ITGA8: variants seen among roughly 807,000 people sequenced by gnomAD.
The protein encoded by ITGA8 is integrin alpha-8.
Under a neutral mutation model 142.3 loss-of-function variants are expected in ITGA8, and 91 were observed. The ratio of observed to expected loss-of-function variants is 0.64; its 90% CI spans 0.54 to 0.76. The LOEUF (loss-of-function observed/expected upper bound fraction) is 0.76, where lower values mean the gene tolerates loss of function less well. ITGA8 is among the 30% of genes least tolerant of loss of function. The pLI is 0.00. For synonymous variants in ITGA8, 505 were observed against 485.2 expected (o/e 1.04, Z -0.54); for missense variants, 1,406 against 1,327.7 (o/e 1.06, Z -0.92).
chr10:15,527,354 A>G (rs1833194756), intron 28 of ITGA8, among the ~76,000 whole-genome samples: 1 of 152,204 alleles, frequency 6.6e-6, no homozygotes, highest in African/African-American at 2.4e-5. Context: ...ATTTTCATGA[A>G]ATATTTTGTA....
In ITGA8 at chr10:15,694,275, TCATACATCA is replaced by T. The variant is rs1323391664; in HGVS notation, c.344-6246_344-6238del. 5.1e-3 allele frequency among the ~76,000 whole-genome samples: 492 copies of T among 96,976 alleles called. 12 individuals are homozygous for T. Among genetic ancestry groups the T allele is most frequent in the African/African-American group, 0.013 (394 of 30,240 alleles). 63.6% of individuals were successfully genotyped at this position (96,976 alleles called of 152,430 possible). A position where few individuals can be genotyped will look rare whatever the true frequency, so the allele number is the denominator to read the frequency against. ...GATAACATATACATCAGATAATATA[TCATACATCA>T]GATAATATATCATATATATGATAAT... On this transcript the variant is annotated intron_variant, in intron 2 of 29. Coordinates refer to ENST00000378076, the MANE Select transcript of ITGA8 (RefSeq NM_003638.3).
chr10:15,632,038 G>A (rs1216896346), intron 13 of ITGA8, among the ~76,000 whole-genome samples: 1 of 151,954 alleles, frequency 6.6e-6, no homozygotes, highest in East Asian at 1.9e-4. Flanking sequence ...CTACCTATGA[G>A]TGGGATATGA....
Position 15,531,061 on chromosome 10 carries a change from C to T in ITGA8, c.2971G>A (p.Gly991Arg), listed in dbSNP as rs539115668. ...TTAAAGATACTCACTACTATGCTTC[C>T]TTCTGGGAGTTTTGCTGGCTGATCT... ...YTDQPAKLPE[G>R]SIVIKTSVIW... Residue 991 changes from glycine to arginine, a missense_variant, in exon 28 of 30, where the codon GGA (glycine) becomes AGA (arginine). Gly to Arg is a moderately radical substitution (Grantham distance 125). Coordinates refer to ENST00000378076, the MANE Select transcript of ITGA8 (RefSeq NM_003638.3). 6.5e-7 allele frequency: 1 copy of T among 1,530,056 alleles called. No homozygotes were observed. Among genetic ancestry groups the T allele is most frequent in the Non-Finnish European group, 8.9e-7 (1 of 1,123,458 alleles). The allele number at this position is 1,530,056 out of a possible 1,614,324, so 94.8% of individuals were successfully genotyped here. A position where few individuals can be genotyped will look rare whatever the true frequency, so the allele number is the denominator to read the frequency against.
At chr10:15,703,124 T>A (rs1239724922) in intron 2 of ITGA8, among the ~76,000 whole-genome samples, 1 of 152,238 alleles carries the variant, frequency 6.6e-6, no homozygotes, top group Non-Finnish European at 1.5e-5. Flanking sequence ...GTGAGCTAAA[T>A]GCATGCTTTT....
chr10:15,600,161 G>T (rs1233821659), intron 20 of ITGA8, among the ~76,000 whole-genome samples: 1 of 152,100 alleles, frequency 6.6e-6, no homozygotes, highest in Admixed American at 6.5e-5. Context: ...TGCACAACGT[G>T]CAGGTTTGTT....
At position 15,557,083 on chromosome 10, in the gene ITGA8, C is replaced by A. The variant is rs539098647; in HGVS notation, c.2766+991G>T. Among the ~76,000 whole-genome samples the A allele has an allele frequency of 7.9e-5, 12 of 152,282 alleles. No individual in the cohort carries two copies. The South Asian group carries it at 1.0e-3, about 13-fold the overall frequency. ...AATAGGATGAGTGGGAGAATAGAAT[C>A]AAAAATGCTGACTCTGACCGGGCAT... is the stretch of plus-strand genomic sequence containing the variant. On this transcript the variant is annotated intron_variant, in intron 26 of 29. Coordinates refer to ENST00000378076, the MANE Select transcript of ITGA8 (RefSeq NM_003638.3).
chr10:15,521,266 CACCCG>C (rs1436862377), intron 28 of ITGA8, among the ~76,000 whole-genome samples: 8 of 152,090 alleles, frequency 5.3e-5, no homozygotes, highest in African/African-American at 1.9e-4. Context: ...TCAAGTGATC[CACCCG>C]CCTCGGCCTC....
In ITGA8 at chr10:15,519,395, A is replaced by G. The variant is rs1588620946; in HGVS notation, c.3000T>C (p.Ile1000=). 1 of 1,613,690 alleles carries G rather than the reference A, an allele frequency of 6.2e-7. No homozygotes were observed. The highest frequency in any genetic ancestry group is 8.5e-7 in the Non-Finnish European group (1 of 1,179,796). Residue 1000 remains isoleucine, a synonymous_variant, in exon 29 of 30, where the codon ATT becomes ATC. Coordinates refer to ENST00000378076, the MANE Select transcript of ITGA8 (RefSeq NM_003638.3). ...AGAAGGAAACATTCGGAGTTGCCCAAATAACTGATGTCTTAATCTGAAATG... is the reference window on the plus strand; with the variant it reads ...AGAAGGAAACATTCGGAGTTGCCCAGATAACTGATGTCTTAATCTGAAATG... The part of the protein sequence containing the change: ...EGSIVIKTSV[I]WATPNVSFSI...
At chr10:15,519,806 T>A (rs983069843) in intron 28 of ITGA8, among the ~76,000 whole-genome samples, 1 of 152,166 alleles carries the variant, frequency 6.6e-6, no homozygotes, top group African/African-American at 2.4e-5. Context: ...TCCTTAGAAC[T>A]CAGCTAGCCT....
At chr10:15,654,451 A>G (rs183705527) in intron 11 of ITGA8, among the ~76,000 whole-genome samples, 21 of 152,344 alleles carry the variant, frequency 1.4e-4, no homozygotes, top group Admixed American at 1.3e-3. Context: ...TAATAGAAAG[A>G]TATTTCCCAG....
At chr10:15,517,273 C>T (rs759750390) in intron 29 of ITGA8, 29 bp from the exon 30 acceptor site, 1 of 1,490,034 alleles carries the variant, frequency 6.7e-7, no homozygotes, top group Non-Finnish European at 9.2e-7. Context: ...GCTATAAAAT[C>T]ACGTCATTCT....
At chr10:15,537,731 T>C (rs1156917542) in intron 27 of ITGA8, among the ~76,000 whole-genome samples, 1 of 152,184 alleles carries the variant, frequency 6.6e-6, no homozygotes, top group Non-Finnish European at 1.5e-5. Flanking sequence ...TAGGACGTGA[T>C]GCTCAAAAGT....
rs534809962 is a variant in ITGA8 at position 15,679,079 on chromosome 10, A to G, written c.569-296T>C. ...TTTCATTTGAAGAAATAAAATCTCT[A>G]TCTTTGACTATATTCCAAATTTCCC... On this transcript the variant is annotated intron_variant, in intron 4 of 29. Coordinates refer to ENST00000378076, the MANE Select transcript of ITGA8 (RefSeq NM_003638.3). Among the ~76,000 whole-genome samples, 22 of 152,262 alleles carry G rather than the reference A, an allele frequency of 1.4e-4. No homozygotes were observed. In the South Asian group the frequency reaches 4.6e-3, roughly 32 times the overall value.
At chr10:15,572,448 A>G (rs1834203894) in intron 24 of ITGA8, 79 bp from the exon 25 acceptor site, 3 of 1,263,624 alleles carry the variant, frequency 2.4e-6, no homozygotes, top group African/African-American at 1.5e-5. Flanking sequence ...CTCTATACCC[A>G]TTTTAGAAAG....
chr10:15,629,159 C>A (rs2131631968), intron 13 of ITGA8, among the ~76,000 whole-genome samples: 1 of 152,054 alleles, frequency 6.6e-6, no homozygotes, highest in Admixed American at 6.5e-5. Flanking sequence ...AATCTTGGGA[C>A]CCCAAACTCA....
chr10:15,718,250 T>C (rs9333075), intron 2 of ITGA8, among the ~76,000 whole-genome samples: 94,167 of 152,082 alleles, frequency 0.62, 31,000 homozygotes, highest in East Asian at 0.82. Flanking sequence ...TGCACTAGTT[T>C]GCATTCAATG....
intron 4 of ITGA8, among the ~76,000 whole-genome samples, chr10:15,682,360 C>T (rs1834753076): frequency 6.6e-6 from 1 of 152,050 alleles, no homozygotes; most frequent in Non-Finnish European, 1.5e-5. Flanking sequence ...TAAAGAAATC[C>T]TGCATTGAAT....
At position 15,592,197 on chromosome 10, in the gene ITGA8, C is replaced by CA. The variant is rs1385707059; in HGVS notation, c.2291+27dup. On this transcript the variant is annotated intron_variant, in intron 22 of 29. Transcript: ENST00000378076. ...GGATCTCTTTTCTTTTGACTGCTGTCAACGATATAGGCATGTAAAGGTCTA... is the reference window on the plus strand; with the variant it reads ...GGATCTCTTTTCTTTTGACTGCTGTCAAACGATATAGGCATGTAAAGGTCTA... The CA allele has an allele frequency of 2.6e-6, 4 of 1,542,060 alleles. No homozygotes were observed. The African/African-American group carries it at 4.1e-5, about 16-fold the overall frequency.
intron 21 of ITGA8, among the ~76,000 whole-genome samples, chr10:15,595,284 G>A (rs900051373): frequency 1.3e-5 from 2 of 152,014 alleles, no homozygotes; most frequent in Non-Finnish European, 2.9e-5. Context: ...AAAATCTTTA[G>A]CACTGCTTTT....
Sources: gnomAD v4.1 joint callset for allele counts (sites outside exome capture counted in the v4.1 genomes callset) on GRCh38, gnomAD v4.1.1 for gene constraint, MANE v1.5 for transcripts, NCBI Gene and HGNC (gene_info 2026-07-23, HGNC 2026-07-21) for gene names.